EYS: variants seen among roughly 807,000 people sequenced by gnomAD.
The protein encoded by EYS is protein eyes shut homolog.
Under a neutral mutation model 282.1 loss-of-function variants are expected in EYS, and 250 were observed. The ratio of observed to expected loss-of-function variants is 0.89; its 90% CI spans 0.80 to 0.98. EYS has a LOEUF of 0.98. Among genes scored for constraint, EYS ranks in the 50% least tolerant of loss-of-function variants. The pLI is 0.00. For missense variants in EYS, 4,016 were observed against 3,709.0 expected (o/e 1.08, Z -2.15); for synonymous variants, 1,355 against 1,282.9 (o/e 1.06, Z -1.20).
At chr6:64,207,741 T>G (rs890543069) in intron 31 of EYS, among the ~76,000 whole-genome samples, 28 of 152,134 alleles carry the variant, frequency 1.8e-4, no homozygotes, top group Non-Finnish European at 2.9e-4. Flanking sequence ...CACTGCAACC[T>G]CCGCCTCCCA....
intron 12 of EYS, among the ~76,000 whole-genome samples, chr6:65,119,934 G>C (rs964908340): frequency 1.5e-4 from 23 of 151,138 alleles, no homozygotes; most frequent in Non-Finnish European, 3.2e-4. Context: ...TCAGGAGATC[G>C]AGACCATCCT....
chr6:65,061,485 C>T (rs183389872), intron 12 of EYS, among the ~76,000 whole-genome samples: 2 of 151,922 alleles, frequency 1.3e-5, no homozygotes, highest in African/African-American at 2.4e-5. Context: ...CTCCCATTAT[C>T]GACATCCCCC....
chr6:64,080,244 T>C (rs993458282), intron 32 of EYS, among the ~76,000 whole-genome samples: 6 of 152,098 alleles, frequency 3.9e-5, no homozygotes, highest in Admixed American at 6.5e-5. Flanking sequence ...TTTTAATGAT[T>C]GCCATTCTAA....
chr6:64,190,335 A>T (rs1297114433), intron 31 of EYS, among the ~76,000 whole-genome samples: 1 of 152,188 alleles, frequency 6.6e-6, no homozygotes. Context: ...GAGCTTCAGA[A>T]AGGAAGTTCA....
intron 2 of EYS, among the ~76,000 whole-genome samples, chr6:65,531,879 T>C (rs899162643): frequency 6.6e-6 from 1 of 152,184 alleles, no homozygotes; most frequent in African/African-American, 2.4e-5. Context: ...TCTTGATTTT[T>C]AAAACATCTT....
intron 22 of EYS, among the ~76,000 whole-genome samples, chr6:64,659,043 C>A (rs1301675110): frequency 6.6e-6 from 1 of 152,104 alleles, no homozygotes. Context: ...GTCTTTCAGA[C>A]CAGAGTGCAA....
At chr6:64,916,216 A>T (rs1001200216) in intron 15 of EYS, among the ~76,000 whole-genome samples, 2 of 152,220 alleles carry the variant, frequency 1.3e-5, no homozygotes, top group Non-Finnish European at 2.9e-5. Flanking sequence ...TATTCTGAGT[A>T]CATAATTTCA....
intron 29 of EYS, among the ~76,000 whole-genome samples, chr6:64,385,702 C>A (rs190968999): frequency 6.6e-6 from 1 of 152,280 alleles, no homozygotes; most frequent in East Asian, 1.9e-4. Flanking sequence ...ACCTCTCTGA[C>A]TTATTAACAA....
chr6:64,469,374 A>G (rs1776034024), intron 26 of EYS, among the ~76,000 whole-genome samples: 1 of 152,162 alleles, frequency 6.6e-6, no homozygotes, highest in Admixed American at 6.5e-5. Context: ...TACCAGATAT[A>G]GATCTTAGAT....
intron 2 of EYS, among the ~76,000 whole-genome samples, chr6:65,522,437 C>T (rs1767407602): frequency 6.6e-6 from 1 of 152,084 alleles, no homozygotes; most frequent in African/African-American, 2.4e-5. Context: ...ACTGCCTGCA[C>T]ATTAAAAATA....
rs1178092080 is a variant in EYS at position 64,295,500 on chromosome 6, GAAGA to G, written c.6191+11466_6191+11469del. On this transcript the variant is annotated intron_variant, in intron 30 of 42. Coordinates refer to ENST00000503581, the MANE Select transcript of EYS (RefSeq NM_001142800.2). ...GAAGAAGAAGAAGAAGAAGAAGAAA[GAAGA>G]AAGAAGAAAGAAGAAAGAAGAAAGA... 1.3e-3 allele frequency among the ~76,000 whole-genome samples: 24 copies of G among 18,226 alleles called. 4 individuals are homozygous for G. Among genetic ancestry groups the G allele is most frequent in the African/African-American group, 7.3e-3 (21 of 2,862 alleles). The allele number at this position is 18,226 out of a possible 152,430, so 12.0% of individuals were successfully genotyped here. A position where few individuals can be genotyped will look rare whatever the true frequency, so the allele number is the denominator to read the frequency against.
chr6:64,001,543 A>G (rs1470707384), intron 33 of EYS, among the ~76,000 whole-genome samples: 1 of 152,154 alleles, frequency 6.6e-6, no homozygotes, highest in Non-Finnish European at 1.5e-5. Flanking sequence ...TGATTTGGAA[A>G]AGACAATTTA....
chr6:64,610,536 T>G (rs1767082392), intron 24 of EYS, among the ~76,000 whole-genome samples: 1 of 151,570 alleles, frequency 6.6e-6, no homozygotes, highest in Admixed American at 6.6e-5. Context: ...CTCCAGTAGT[T>G]GGGATTACTG....
chr6:64,430,078 A>G (rs1774528895), intron 28 of EYS, among the ~76,000 whole-genome samples: 1 of 152,202 alleles, frequency 6.6e-6, no homozygotes, highest in Non-Finnish European at 1.5e-5. Flanking sequence ...GAGCCAAAGT[A>G]TTCCCGCTCT....
intron 30 of EYS, among the ~76,000 whole-genome samples, chr6:64,270,315 C>T (rs1424730642): frequency 6.6e-6 from 1 of 150,774 alleles, no homozygotes; most frequent in East Asian, 2.0e-4. Flanking sequence ...CTTATATACT[C>T]AACTTTTTCT....
intron 26 of EYS, among the ~76,000 whole-genome samples, chr6:64,586,786 G>C (rs1436557720): frequency 2.0e-5 from 3 of 151,974 alleles, no homozygotes; most frequent in Non-Finnish European, 2.9e-5. Context: ...ACAACTAAAA[G>C]TGGAATAAAC....
chr6:64,697,998 A>C (rs962900137), intron 22 of EYS, among the ~76,000 whole-genome samples: 3 of 152,094 alleles, frequency 2.0e-5, no homozygotes, highest in Admixed American at 6.6e-5. Flanking sequence ...TAACTTCTTG[A>C]AATACAGCAG....
chr6:64,272,620 T>C (rs2150357924), intron 30 of EYS, among the ~76,000 whole-genome samples: 1 of 152,316 alleles, frequency 6.6e-6, no homozygotes, highest in African/African-American at 2.4e-5. Flanking sequence ...TTCTGACTTG[T>C]AGGGTTTCTG....
At chr6:64,362,865 A>G (rs1411246620) in intron 29 of EYS, among the ~76,000 whole-genome samples, 1 of 151,006 alleles carries the variant, frequency 6.6e-6, no homozygotes, top group East Asian at 1.9e-4. Context: ...AGCTTCATTT[A>G]ATCTGTTAAA....
Sources: allele counts gnomAD v4.1 joint callset (sites outside exome capture counted in the v4.1 genomes callset), GRCh38; gene constraint gnomAD v4.1.1; transcripts MANE v1.5; gene names NCBI Gene and HGNC (gene_info 2026-07-23, HGNC 2026-07-21).